Variants in FAT3 observed in about 807,000 individuals in gnomAD.
FAT3 encodes the protein FAT atypical cadherin 3.
Under a neutral mutation model 310.2 loss-of-function variants are expected in FAT3, and 95 were observed. That is an observed-to-expected ratio of 0.31 (90% CI 0.26 to 0.36). The LOEUF (loss-of-function observed/expected upper bound fraction) is 0.36. FAT3 is among the 10% of genes least tolerant of loss of function. The pLI is 1.00. For missense variants in FAT3, 5,408 were observed against 5,715.6 expected (o/e 0.95, Z 1.74); for synonymous variants, 2,314 against 2,192.9 (o/e 1.06, Z -1.54).
chr11:92,419,570 T>C lies in FAT3; in HGVS notation c.3292+64166T>C, dbSNP rs561834120. Among the ~76,000 whole-genome samples, 227 of 152,334 alleles carry C rather than the reference T, an allele frequency of 1.5e-3. 1 individual carries two copies. Among genetic ancestry groups the C allele is most frequent in the Non-Finnish European group, 2.8e-3 (189 of 68,030 alleles). Reference sequence around the variant, plus strand: ...TAGGGGAGTATCTTTATATTTCTTTTATACCTCAGCTTTCTTTAATCCTTA... The same window carrying C: ...TAGGGGAGTATCTTTATATTTCTTTCATACCTCAGCTTTCTTTAATCCTTA... On this transcript the variant is annotated intron_variant, in intron 2 of 27. Coordinates refer to ENST00000525166, the MANE Select transcript of FAT3 (RefSeq NM_001367949.2).
At chr11:92,248,747 T>C in intron 1 of FAT3, among the ~76,000 whole-genome samples, 1 of 143,506 alleles carries the variant, frequency 7.0e-6, no homozygotes, top group South Asian at 2.1e-4. Context: ...TATATCAAAA[T>C]GACACACTCA....
intron 4 of FAT3, among the ~76,000 whole-genome samples, chr11:92,761,245 C>T (rs1855603638): frequency 6.6e-6 from 1 of 152,100 alleles, no homozygotes; most frequent in South Asian, 2.1e-4. Context: ...CTAGATGGTG[C>T]CTTCTGGTCA....
intron 4 of FAT3, among the ~76,000 whole-genome samples, chr11:92,726,781 G>A (rs1048801980): frequency 6.6e-6 from 1 of 151,274 alleles, no homozygotes; most frequent in African/African-American, 2.4e-5. Context: ...TCTGGGACAT[G>A]TATTAAGTGA....
chr11:92,263,654 T>TCG (rs1565187842), intron 1 of FAT3, among the ~76,000 whole-genome samples: 3 of 151,532 alleles, frequency 2.0e-5, no homozygotes, highest in African/African-American at 7.3e-5. Context: ...TATATATATA[T>TCG]AGAGAGAGAT....
intron 3 of FAT3, among the ~76,000 whole-genome samples, chr11:92,557,549 G>T (rs1389640132): frequency 6.6e-6 from 1 of 152,120 alleles, no homozygotes; most frequent in African/African-American, 2.4e-5. Context: ...TGAACCCCAG[G>T]CCACTGATCT....
chr11:92,323,866 T>C (rs1947694603), intron 1 of FAT3, among the ~76,000 whole-genome samples: 1 of 152,220 alleles, frequency 6.6e-6, no homozygotes, highest in Non-Finnish European at 1.5e-5. Context: ...CTATGAAAGC[T>C]TCTTCTTTCA....
intron 13 of FAT3, among the ~76,000 whole-genome samples, chr11:92,813,205 T>C (rs1017146204): frequency 2.6e-5 from 4 of 152,190 alleles, no homozygotes; most frequent in African/African-American, 9.7e-5. Context: ...CGGACTAATA[T>C]ACTTGTGTTA....
chr11:92,677,678 GT>G (rs1943332194), intron 3 of FAT3, among the ~76,000 whole-genome samples: 1 of 152,194 alleles, frequency 6.6e-6, no homozygotes, highest in African/African-American at 2.4e-5. Flanking sequence ...AAGCAGAAGG[GT>G]AAGAGAGCAA....
At chr11:92,322,874 T>A (rs1947658701) in intron 1 of FAT3, among the ~76,000 whole-genome samples, 1 of 152,172 alleles carries the variant, frequency 6.6e-6, no homozygotes, top group Non-Finnish European at 1.5e-5. Flanking sequence ...AAATCATCCA[T>A]GAGGGTTACA....
chr11:92,418,318 A>G (rs985153314), intron 2 of FAT3, among the ~76,000 whole-genome samples: 29 of 152,024 alleles, frequency 1.9e-4, no homozygotes, highest in African/African-American at 6.5e-4. Flanking sequence ...CTTAGACCTT[A>G]AAGAAGCCAA....
intron 3 of FAT3, among the ~76,000 whole-genome samples, chr11:92,546,526 T>G (rs1331551936): frequency 6.6e-6 from 1 of 152,236 alleles, no homozygotes; most frequent in Non-Finnish European, 1.5e-5. Flanking sequence ...TAATTAATTT[T>G]GCTTTCATGC....
In FAT3 at chr11:92,762,271, T is replaced by C. The variant is rs186453402; in HGVS notation, c.3984+101T>C. 9 of 1,234,912 alleles carry C rather than the reference T, an allele frequency of 7.3e-6. No homozygotes were observed. The Admixed American group carries it at 2.4e-4, about 33-fold the overall frequency. The allele number at this position is 1,234,912 out of a possible 1,614,324, so 76.5% of individuals were successfully genotyped here. Reference sequence around the variant, plus strand: ...AGCAATAAATCTTTAGAGTAAAAAGTGAAGCCACACAGCTGTGGAAGGGTT... The same window carrying C: ...AGCAATAAATCTTTAGAGTAAAAAGCGAAGCCACACAGCTGTGGAAGGGTT... On this transcript the variant is annotated intron_variant, in intron 5 of 27. Transcript: ENST00000525166.
intron 1 of FAT3, among the ~76,000 whole-genome samples, chr11:92,257,523 A>G (rs537049952): frequency 8.0e-4 from 122 of 152,208 alleles, no homozygotes; most frequent in African/African-American, 2.8e-3. Flanking sequence ...GCAGGAAAAA[A>G]TTGCCTAAAA....
intron 4 of FAT3, among the ~76,000 whole-genome samples, chr11:92,757,926 T>C (rs1241344009): frequency 6.6e-6 from 1 of 152,190 alleles, no homozygotes; most frequent in Non-Finnish European, 1.5e-5. Context: ...TCATAATCTT[T>C]AGATTGGTAG....
intron 2 of FAT3, among the ~76,000 whole-genome samples, chr11:92,473,082 C>T (rs12279783): frequency 0.097 from 14,795 of 152,194 alleles, 1,128 homozygotes; most frequent in African/African-American, 0.21. Flanking sequence ...TGAGCTGCAG[C>T]CTCCCGTATG....
At chr11:92,572,206 A>G (rs574268053) in intron 3 of FAT3, among the ~76,000 whole-genome samples, 3 of 152,322 alleles carry the variant, frequency 2.0e-5, no homozygotes, top group South Asian at 4.1e-4. Flanking sequence ...GACAGCTCCA[A>G]TTGAGTGATC....
chr11:92,486,360 A>G (rs1433630304), intron 2 of FAT3, among the ~76,000 whole-genome samples: 1 of 151,358 alleles, frequency 6.6e-6, no homozygotes, highest in East Asian at 1.9e-4. Flanking sequence ...TTGGAGGCAC[A>G]TTTTGTTGTC....
In FAT3 at chr11:92,353,396, G is replaced by A. The variant is rs763587752; in HGVS notation, c.1284G>A (p.Leu428=). The change falls in exon 2 of 28, where the codon CTG becomes CTA. Residue 428 remains leucine (L), a synonymous_variant. Coordinates refer to ENST00000525166, the MANE Select transcript of FAT3 (RefSeq NM_001367949.2). ...VYFKINPRSG[L]IVTARPLNTV... ...TTAAAATTAATCCTCGGTCGGGTCT[G>A]ATTGTTACAGCACGGCCACTGAATA... 3 of 1,613,482 alleles carry A rather than the reference G, an allele frequency of 1.9e-6. No homozygotes were observed. The Admixed American group carries it at 5.0e-5, about 27-fold the overall frequency.
At chr11:92,783,750 G>T (rs553321801) in intron 7 of FAT3, among the ~76,000 whole-genome samples, 8 of 152,048 alleles carry the variant, frequency 5.3e-5, no homozygotes, top group African/African-American at 1.9e-4. Flanking sequence ...GTGCCACTGC[G>T]CTCCAGCCTA....
Sources: allele counts gnomAD v4.1 joint callset (sites outside exome capture counted in the v4.1 genomes callset), GRCh38; gene constraint gnomAD v4.1.1; transcripts MANE v1.5; gene names NCBI Gene and HGNC (gene_info 2026-07-23, HGNC 2026-07-21).